Variants in ADAMTSL3 observed in about 807,000 individuals in gnomAD.
The protein encoded by ADAMTSL3 is ADAMTS-like protein 3.
A neutral mutation model predicts 201.7 loss-of-function variants in ADAMTSL3; 128 were observed. The ratio of observed to expected loss-of-function variants is 0.63; its 90% confidence interval spans 0.55 to 0.73. The LOEUF (loss-of-function observed/expected upper bound fraction) is 0.73. Ranked by LOEUF, ADAMTSL3 falls within the 30% of genes least tolerant of loss-of-function variation. The probability of loss-of-function intolerance (pLI) is 0.00; values close to 1 mark genes in which losing one functional copy is unlikely to be tolerated. For missense variants in ADAMTSL3, 1,990 were observed against 2,119.6 expected (o/e 0.94, Z 1.20); for synonymous variants, 738 against 748.4 (o/e 0.99, Z 0.23).
intron 23 of ADAMTSL3, among the ~76,000 whole-genome samples, chr15:84,003,686 G>A (rs571538773): frequency 3.2e-4 from 48 of 152,282 alleles, no homozygotes; most frequent in Non-Finnish European, 6.0e-4. Context: ...TACTTATACT[G>A]TAAGAAATGC....
intron 3 of ADAMTSL3, among the ~76,000 whole-genome samples, chr15:83,765,957 A>G (rs968568599): frequency 2.0e-5 from 3 of 152,238 alleles, no homozygotes; most frequent in African/African-American, 7.2e-5. Context: ...TGATCATAAA[A>G]GAAGAAAGTA....
intron 4 of ADAMTSL3, among the ~76,000 whole-genome samples, chr15:83,778,215 G>T (rs1395120877): frequency 1.3e-5 from 2 of 152,134 alleles, no homozygotes; most frequent in Admixed American, 1.3e-4. Context: ...TCATCCATGA[G>T]AACTTCATGG....
chr15:83,700,488 G>A (rs981591401), intron 2 of ADAMTSL3, among the ~76,000 whole-genome samples: 12 of 152,318 alleles, frequency 7.9e-5, no homozygotes, highest in African/African-American at 2.6e-4. Flanking sequence ...TTCTGGCTGG[G>A]CGCGGTGGCT....
chr15:83,908,042 T>G (rs1022453478), intron 15 of ADAMTSL3, among the ~76,000 whole-genome samples: 1 of 152,244 alleles, frequency 6.6e-6, no homozygotes, highest in African/African-American at 2.4e-5. Context: ...TGCCTTCTTC[T>G]CTTGTGCTGA....
At chr15:83,853,855 C>T (rs898620573) in intron 7 of ADAMTSL3, among the ~76,000 whole-genome samples, 24 of 152,030 alleles carry the variant, frequency 1.6e-4, no homozygotes, top group Admixed American at 1.6e-3. Context: ...CAACTAGATT[C>T]ACTAATTACT....
At chr15:83,691,964 T>G (rs1024824194) in intron 2 of ADAMTSL3, among the ~76,000 whole-genome samples, 5 of 152,194 alleles carry the variant, frequency 3.3e-5, no homozygotes, top group Non-Finnish European at 5.9e-5. Flanking sequence ...TGATGATGTT[T>G]TAAGCAACCA....
At chr15:83,795,756 T>G (rs1473352705) in intron 4 of ADAMTSL3, among the ~76,000 whole-genome samples, 2 of 152,088 alleles carry the variant, frequency 1.3e-5, no homozygotes, top group African/African-American at 4.8e-5. Flanking sequence ...AACATTTACG[T>G]GGGAAATTAA....
intron 2 of ADAMTSL3, among the ~76,000 whole-genome samples, chr15:83,673,142 G>T (rs2061349786): frequency 6.6e-6 from 1 of 152,240 alleles, no homozygotes; most frequent in African/African-American, 2.4e-5. Context: ...GGCCCTGTTT[G>T]TGAGAGGGCT....
intron 4 of ADAMTSL3, among the ~76,000 whole-genome samples, chr15:83,792,153 A>C (rs1349145380): frequency 6.6e-6 from 1 of 152,202 alleles, no homozygotes; most frequent in East Asian, 1.9e-4. Context: ...AATATATGAC[A>C]AACTCAGTAG....
intron 20 of ADAMTSL3, among the ~76,000 whole-genome samples, chr15:83,974,805 T>C (rs1038844617): frequency 1.2e-4 from 18 of 152,144 alleles, no homozygotes; most frequent in Non-Finnish European, 2.4e-4. Context: ...TCCTGAGCTT[T>C]GGTAAAGAAG....
At chr15:83,700,785 A>G (rs978792308) in intron 2 of ADAMTSL3, among the ~76,000 whole-genome samples, 1 of 152,306 alleles carries the variant, frequency 6.6e-6, no homozygotes, top group Non-Finnish European at 1.5e-5. Context: ...AGTAAAAAAA[A>G]TAAAGTGATG....
chr15:83,748,649 CAAA>C (rs71156097), intron 3 of ADAMTSL3, among the ~76,000 whole-genome samples: 19 of 70,500 alleles, frequency 2.7e-4, no homozygotes, highest in Middle Eastern at 9.6e-3. Flanking sequence ...GACCCTGTCT[CAAA>C]AAAAAAAAAA....
intron 21 of ADAMTSL3, among the ~76,000 whole-genome samples, chr15:83,985,663 C>T (rs955578253): frequency 3.9e-5 from 6 of 151,972 alleles, no homozygotes; most frequent in Admixed American, 3.9e-4. Flanking sequence ...GAGACAGTCT[C>T]GCTTTGTCAC....
chr15:83,712,751 T>C (rs950903846), intron 3 of ADAMTSL3, among the ~76,000 whole-genome samples: 33 of 152,290 alleles, frequency 2.2e-4, no homozygotes, highest in African/African-American at 7.9e-4. Flanking sequence ...TCAATTGCAT[T>C]TGTCATTCTG....
chr15:83,880,649 A>G (rs2065251800), intron 9 of ADAMTSL3, among the ~76,000 whole-genome samples: 1 of 152,194 alleles, frequency 6.6e-6, no homozygotes, highest in Non-Finnish European at 1.5e-5. Context: ...TTCCAGTGAA[A>G]TTCCCCATCT....
intron 4 of ADAMTSL3, among the ~76,000 whole-genome samples, chr15:83,801,983 A>C (rs2401130): frequency 0.77 from 117,022 of 151,538 alleles, 46,007 homozygotes; most frequent in East Asian, 1. Context: ...AGCTTTCAGG[A>C]AGAAACATAA....
intron 15 of ADAMTSL3, among the ~76,000 whole-genome samples, chr15:83,908,963 T>C (rs928453094): frequency 4.6e-5 from 7 of 152,194 alleles, no homozygotes; most frequent in African/African-American, 1.7e-4. Flanking sequence ...TTTGTAGAAC[T>C]GAGATCTTCA....
chr15:83,902,732 G>A (rs1293170028), intron 15 of ADAMTSL3, among the ~76,000 whole-genome samples: 2 of 152,094 alleles, frequency 1.3e-5, no homozygotes, highest in African/African-American at 4.8e-5. Flanking sequence ...TGAGTGGGAT[G>A]CTCCAGCCAC....
At chr15:83,859,895 G>T (rs2064819506) in intron 8 of ADAMTSL3, among the ~76,000 whole-genome samples, 1 of 152,148 alleles carries the variant, frequency 6.6e-6, no homozygotes, top group Non-Finnish European at 1.5e-5. Context: ...GGGTGTGGTG[G>T]TTCACGCCTG....
Sources: gnomAD v4.1 joint callset for allele counts (sites outside exome capture counted in the v4.1 genomes callset) on GRCh38, gnomAD v4.1.1 for gene constraint, MANE v1.5 for transcripts, NCBI Gene and HGNC (gene_info 2026-07-23, HGNC 2026-07-21) for gene names.